The following LRRN3 variants were observed in gnomAD, a reference collection of about 807,000 sequenced individuals.
LRRN3 encodes the protein leucine-rich repeat neuronal protein 3.
Under a neutral mutation model 40.1 loss-of-function variants are expected in LRRN3, and 15 were observed. That is an observed-to-expected ratio of 0.37 (90% confidence interval 0.25 to 0.58). The LOEUF (loss-of-function observed/expected upper bound fraction) is 0.58. LRRN3 is among the 20% of genes least tolerant of loss of function. LRRN3 has a pLI of 0.72. For synonymous variants in LRRN3, 308 were observed against 297.2 expected (o/e 1.04, Z -0.37); for missense variants, 746 against 837.7 (o/e 0.89, Z 1.35).
intron 1 of LRRN3, among the ~76,000 whole-genome samples, chr7:111,091,948 T>C (rs1295492750): frequency 1.3e-5 from 2 of 152,168 alleles, no homozygotes; most frequent in Non-Finnish European, 2.9e-5. Context: ...TTATTTGTAG[T>C]GAAAAGCAGA....
At chr7:111,100,734 T>G (rs1797883661) in intron 2 of LRRN3, among the ~76,000 whole-genome samples, 1 of 151,344 alleles carries the variant, frequency 6.6e-6, no homozygotes, top group Non-Finnish European at 1.5e-5. Flanking sequence ...AGAAGTGTAA[T>G]GTATGTAAAA....
chr7:111,113,515 A>G (rs573497271), intron 2 of LRRN3, among the ~76,000 whole-genome samples: 1 of 152,210 alleles, frequency 6.6e-6, no homozygotes, highest in African/African-American at 2.4e-5. Flanking sequence ...AGCTGCAATC[A>G]CTTCATTTAT....
intron 2 of LRRN3, among the ~76,000 whole-genome samples, chr7:111,107,265 A>G (rs1798653423): frequency 1.3e-5 from 2 of 152,028 alleles, no homozygotes; most frequent in Middle Eastern, 6.8e-3. Flanking sequence ...AAGTTTTTAT[A>G]TAAAGTCTAA....
intron 1 of LRRN3, among the ~76,000 whole-genome samples, chr7:111,093,546 A>C (rs150684550): frequency 1.4e-3 from 212 of 152,292 alleles, no homozygotes; most frequent in African/African-American, 4.9e-3. Context: ...ACACATTCTT[A>C]AATCTAACCC....
At position 111,122,797 on chromosome 7, in the gene LRRN3, C is replaced by A. The variant is rs2129589205; in HGVS notation, c.25C>A (p.His9Asn). The A allele has an allele frequency of 6.2e-7, 1 of 1,613,212 alleles. No individual in the cohort carries two copies. The highest frequency in any genetic ancestry group is 8.5e-7 in the Non-Finnish European group (1 of 1,179,508). ...GATGAAGGACATGCCACTCCGAATTCATGTGCTACTTGGCCTAGCTATCAC... is the reference window on the plus strand; with the variant it reads ...GATGAAGGACATGCCACTCCGAATTAATGTGCTACTTGGCCTAGCTATCAC... Reference protein sequence around the residue: MKDMPLRIHVLLGLAITTL... With the variant: MKDMPLRINVLLGLAITTL... Residue 9 changes from histidine to asparagine, a missense_variant, in exon 3 of 3, where the codon CAT (histidine) becomes AAT (asparagine). Physicochemically the swap from His to Asn is moderately conservative, Grantham distance 68. Coordinates refer to ENST00000308478, the MANE Select transcript of LRRN3 (RefSeq NM_001099658.2).
At chr7:111,112,842 C>G (rs1024218693) in intron 2 of LRRN3, among the ~76,000 whole-genome samples, 1 of 152,152 alleles carries the variant, frequency 6.6e-6, no homozygotes, top group African/African-American at 2.4e-5. Flanking sequence ...TGGCAGGCAT[C>G]AGCTAACCCC....
Position 111,124,015 on chromosome 7 carries a change from A to G in LRRN3, c.1243A>G (p.Met415Val), listed in dbSNP as rs1192824677. 7 of 1,613,992 alleles carry G rather than the reference A, an allele frequency of 4.3e-6. No homozygotes were observed. Among genetic ancestry groups the G allele is most frequent in the African/African-American group, 1.3e-5 (1 of 74,930 alleles). Residue 415 changes from methionine to valine, a missense_variant, in exon 3 of 3, where the codon ATG (methionine) becomes GTG (valine). Transcript: ENST00000308478. ...QNVRQVHFRD[M>V]MEICLPLIAP... ...TGTTCGGCAAGTGCATTTCAGGGAC[A>G]TGATGGAAATTTGTCTCCCTCTTAT... is the stretch of plus-strand genomic sequence containing the variant.
In LRRN3 at chr7:111,124,994, CA is replaced by C. The variant is rs949546827; in HGVS notation, c.*101del. 1 of 905,360 alleles carries C rather than the reference CA, an allele frequency of 1.1e-6. No homozygotes were observed. Among genetic ancestry groups the C allele is most frequent in the African/African-American group, 1.7e-5 (1 of 57,256 alleles). The allele number at this position is 905,360 out of a possible 1,614,324, so 56.1% of individuals were successfully genotyped here. On this transcript the variant is annotated 3_prime_UTR_variant, in exon 3 of 3. Coordinates refer to ENST00000308478, the MANE Select transcript of LRRN3 (RefSeq NM_001099658.2). ...AAACAAAACAAAACAAACAAACAAA[CA>C]AAAAAGTAAAAAAAGATTACTTTCG...
At chr7:111,115,918 CCA>C (rs1799827443) in intron 2 of LRRN3, among the ~76,000 whole-genome samples, 1 of 152,230 alleles carries the variant, frequency 6.6e-6, no homozygotes, top group East Asian at 1.9e-4. Context: ...CTTAGGTGAT[CCA>C]CCCAACTCAG....
At chr7:111,105,144 T>G (rs1395317473) in intron 2 of LRRN3, among the ~76,000 whole-genome samples, 5 of 151,848 alleles carry the variant, frequency 3.3e-5, no homozygotes, top group Non-Finnish European at 7.4e-5. Flanking sequence ...ATATGTGTTT[T>G]CAAATAAAAT....
In LRRN3 at chr7:111,123,860, T is replaced by C; in HGVS notation, c.1088T>C (p.Ile363Thr). ...GAGTCTCTGCCAAACCTCAAGGAAA[T>C]CAGCATACACAGTAACCCCATCAGG... Reference protein sequence around the residue: ...TIESLPNLKEISIHSNPIRCD... With the variant: ...TIESLPNLKETSIHSNPIRCD... Residue 363 changes from isoleucine (I) to threonine (T), a missense_variant, in exon 3 of 3, where the codon ATC becomes ACC. Ile to Thr is a moderately conservative substitution (Grantham distance 89, BLOSUM62 -1). Coordinates refer to ENST00000308478, the MANE Select transcript of LRRN3 (RefSeq NM_001099658.2). This position sits in a 1 kb window ranked among gnomAD's most constrained non-coding sequence, Gnocchi z 6.4. The C allele has an allele frequency of 6.2e-7, 1 of 1,613,910 alleles. No individual in the cohort carries two copies. Among genetic ancestry groups the C allele is most frequent in the Non-Finnish European group, 8.5e-7 (1 of 1,179,964 alleles).
intron 2 of LRRN3, among the ~76,000 whole-genome samples, chr7:111,114,378 A>T (rs1024557368): frequency 6.6e-6 from 1 of 152,170 alleles, no homozygotes; most frequent in African/African-American, 2.4e-5. Context: ...AAAACTAAAA[A>T]TATCATAAAA....
At chr7:111,117,887 T>A (rs1205622560) in intron 2 of LRRN3, among the ~76,000 whole-genome samples, 1 of 152,128 alleles carries the variant, frequency 6.6e-6, no homozygotes, top group African/African-American at 2.4e-5. Context: ...GTAGTCTTTA[T>A]AATACACATA....
At chr7:111,104,481 C>G (rs1263794036) in intron 2 of LRRN3, among the ~76,000 whole-genome samples, 1 of 151,660 alleles carries the variant, frequency 6.6e-6, no homozygotes, top group Non-Finnish European at 1.5e-5. Context: ...TAACTAATAC[C>G]ATCACTTCTA....
intron 2 of LRRN3, among the ~76,000 whole-genome samples, chr7:111,118,592 C>A (rs1440233043): frequency 6.6e-6 from 1 of 151,978 alleles, no homozygotes; most frequent in African/African-American, 2.4e-5. Context: ...CCTCACCAAC[C>A]TATCTCACAA....
At chr7:111,098,302 A>G (rs1797614125) in intron 1 of LRRN3, among the ~76,000 whole-genome samples, 1 of 151,836 alleles carries the variant, frequency 6.6e-6, no homozygotes, top group Admixed American at 6.6e-5. Flanking sequence ...AGAGTTTCAT[A>G]AGGTGATGTT....
At chr7:111,118,865 C>T (rs1800231378) in intron 2 of LRRN3, among the ~76,000 whole-genome samples, 1 of 152,078 alleles carries the variant, frequency 6.6e-6, no homozygotes, top group African/African-American at 2.4e-5. Context: ...ATATGCTCAC[C>T]ACTATAAACA....
intron 2 of LRRN3, among the ~76,000 whole-genome samples, chr7:111,116,089 T>A (rs930166352): frequency 6.6e-6 from 1 of 152,096 alleles, no homozygotes; most frequent in African/African-American, 2.4e-5. Flanking sequence ...CCAAAGCATA[T>A]CTTGAGACTC....
At position 111,122,873 on chromosome 7, in the gene LRRN3, C is replaced by T. The variant is rs761418614; in HGVS notation, c.101C>T (p.Thr34Met). 3.3e-5 allele frequency: 53 copies of T among 1,613,772 alleles called. No homozygotes were observed. The highest frequency in any genetic ancestry group is 5.0e-5 in the Admixed American group (3 of 59,962). The change falls in exon 3 of 3, where the codon ACG becomes ATG. Residue 34 changes from threonine (T) to methionine (M), a missense_variant. Physicochemically the swap from Thr to Met is moderately conservative, Grantham distance 81. Coordinates refer to ENST00000308478, the MANE Select transcript of LRRN3 (RefSeq NM_001099658.2). The stretch of plus-strand genomic sequence containing the variant: ...AAAGTGGATTGTCCACGGTTATGTA[C>T]GTGTGAAATCAGGCCTTGGTTTACA... Reference protein sequence around the residue: ...DKKVDCPRLCTCEIRPWFTPR... With the variant: ...DKKVDCPRLCMCEIRPWFTPR...
Sources: gnomAD v4.1 joint callset for allele counts (sites outside exome capture counted in the v4.1 genomes callset) on GRCh38, gnomAD v4.1.1 for gene constraint, Gnocchi (gnomAD v3.1) non-coding constraint, MANE v1.5 for transcripts, NCBI Gene and HGNC (gene_info 2026-07-23, HGNC 2026-07-21) for gene names.